DCAF1: variants seen among roughly 807,000 people sequenced by gnomAD.
DCAF1 encodes DDB1- and CUL4-associated factor 1.
DCAF1 carries 15 observed loss-of-function variants against 128.0 expected under a neutral mutation model. That is an observed-to-expected ratio of 0.12 (90% confidence interval 0.08 to 0.18). DCAF1 has a LOEUF of 0.18. Among genes scored for constraint, DCAF1 ranks in the 10% least tolerant of loss-of-function variants. The probability of loss-of-function intolerance (pLI) is 1.00; values close to 1 mark genes in which losing one functional copy is unlikely to be tolerated. For synonymous variants in DCAF1, 610 were observed against 603.0 expected, an observed-to-expected ratio of 1.01 and a Z score of -0.17; for missense variants, 988 against 1,649.5, an observed-to-expected ratio of 0.60 and a Z score of 6.95.
Position 51,398,491 on chromosome 3 carries a change from TC to T in DCAF1, c.*277del. On this transcript the variant is annotated 3_prime_UTR_variant, in exon 25 of 25. Coordinates refer to ENST00000684031, the MANE Select transcript of DCAF1 (RefSeq NM_001387579.1). ...ATACCCCAGAGACATGGTTTTTTTT[TC>T]CCCTTGAAAGATATGTCCATCCTAG... is the stretch of plus-strand genomic sequence containing the variant. The T allele has an allele frequency of 2.7e-6, 1 of 377,116 alleles. No individual in the cohort carries two copies. The highest frequency in any genetic ancestry group is 4.8e-6 in the Non-Finnish European group (1 of 210,090). The allele number at this position is 377,116 out of a possible 1,614,324, so 23.4% of individuals were successfully genotyped here.
intron 1 of DCAF1, among the ~76,000 whole-genome samples, chr3:51,497,439 T>C (rs1475868316): frequency 2.0e-5 from 3 of 151,220 alleles, no homozygotes; most frequent in African/African-American, 7.3e-5. Context: ...ATACAAAAAT[T>C]AGCTGGGCAT....
chr3:51,455,873 G>A (rs551695679), intron 6 of DCAF1, among the ~76,000 whole-genome samples: 51 of 152,112 alleles, frequency 3.4e-4, no homozygotes, highest in African/African-American at 9.9e-4. Context: ...CTCCAGCCTG[G>A]GTGACAAGAG....
intron 6 of DCAF1, among the ~76,000 whole-genome samples, chr3:51,461,903 G>T (rs569180951): frequency 1.4e-3 from 219 of 152,058 alleles, no homozygotes; most frequent in Non-Finnish European, 1.4e-3. Flanking sequence ...CACACACTGG[G>T]GACTGTTGTG....
intron 2 of DCAF1, among the ~76,000 whole-genome samples, chr3:51,486,093 T>C (rs1304978209): frequency 6.6e-6 from 1 of 151,868 alleles, no homozygotes; most frequent in African/African-American, 2.4e-5. Context: ...GCTTTCACCG[T>C]GTTAGCCAGG....
rs141500353 is a variant in DCAF1, at chr3:51,402,853, G to A, written c.4465+290C>T. The stretch of plus-strand genomic sequence containing the variant: ...CCTCCAAAGTGCTGGGATTACAGGC[G>A]TGAGCCACCGTGCCCGGCTGCATAA... On this transcript the variant is annotated intron_variant, in intron 24 of 24. Coordinates refer to ENST00000684031, the MANE Select transcript of DCAF1 (RefSeq NM_001387579.1). 2.6e-3 allele frequency among the ~76,000 whole-genome samples: 398 copies of A among 152,178 alleles called. 1 individual carries two copies. Among genetic ancestry groups the A allele is most frequent in the Admixed American group, 6.0e-3 (92 of 15,274 alleles).
intron 23 of DCAF1, among the ~76,000 whole-genome samples, chr3:51,405,369 T>C (rs1553626268): frequency 6.6e-6 from 1 of 152,152 alleles, no homozygotes; most frequent in Non-Finnish European, 1.5e-5. Context: ...TCAAGCAGGG[T>C]CTAAGCTTTG....
At chr3:51,480,869 A>G (rs1553652567) in intron 3 of DCAF1, among the ~76,000 whole-genome samples, 1 of 152,088 alleles carries the variant, frequency 6.6e-6, no homozygotes, top group East Asian at 1.9e-4. Flanking sequence ...TTTCCTCACT[A>G]AATTGTAAAA....
chr3:51,404,916 A>G (rs1332516106), intron 23 of DCAF1, among the ~76,000 whole-genome samples: 1 of 152,236 alleles, frequency 6.6e-6, no homozygotes, highest in Non-Finnish European at 1.5e-5. Context: ...TGAAACACAG[A>G]CAGGCTCTCA....
At chr3:51,465,839 C>T (rs575786504) in intron 5 of DCAF1, among the ~76,000 whole-genome samples, 2 of 152,266 alleles carry the variant, frequency 1.3e-5, no homozygotes, top group African/African-American at 4.8e-5. Flanking sequence ...CACCTTCATG[C>T]TTAATTTCAT....
chr3:51,472,670 A>AT (rs113691767), intron 3 of DCAF1, among the ~76,000 whole-genome samples: 406 of 136,814 alleles, frequency 3.0e-3, no homozygotes, highest in African/African-American at 5.2e-3. Context: ...TCATTAATGC[A>AT]TTTTTTTTTT....
At chr3:51,395,886 T>TTTA (rs1169465873), downstream of DCAF1, 4 of 413,418 alleles carry the variant, frequency 9.7e-6, no homozygotes, top group Non-Finnish European at 1.8e-5. Flanking sequence ...AGCATGTTTA[T>TTTA]TTATTTGCCT....
At chr3:51,471,373 C>T (rs1036263059) in intron 3 of DCAF1, among the ~76,000 whole-genome samples, 7 of 151,538 alleles carry the variant, frequency 4.6e-5, no homozygotes, top group African/African-American at 7.3e-5. Flanking sequence ...TTAGTAGAGA[C>T]GGGGTTTCAC....
intron 19 of DCAF1, 93 bp from the exon 20 acceptor site, chr3:51,414,136 C>A (rs2107203390): frequency 1.4e-6 from 2 of 1,423,832 alleles, no homozygotes; most frequent in East Asian, 2.7e-5. Flanking sequence ...TTTCCTCCTG[C>A]CAGGTATTGA....
In DCAF1 at chr3:51,429,247, C is replaced by G. The variant is rs782298848; in HGVS notation, c.1677+14G>C. 2.6e-6 allele frequency: 2 copies of G among 761,616 alleles called. No homozygotes were observed. The highest frequency in any genetic ancestry group is 4.9e-5 in the East Asian group (2 of 40,640). The allele number at this position is 761,616 out of a possible 1,614,324, so 47.2% of individuals were successfully genotyped here. A position where few individuals can be genotyped will look rare whatever the true frequency, so the allele number is the denominator to read the frequency against. On this transcript the variant is annotated intron_variant, in intron 12 of 24. Coordinates refer to ENST00000684031, the MANE Select transcript of DCAF1 (RefSeq NM_001387579.1). ...GCTAACAGAACTTTCCCTTTCAAGG[C>G]AAGGTCCTCTCACCTTGTACGGGGG...
intron 6 of DCAF1, among the ~76,000 whole-genome samples, chr3:51,460,929 T>G (rs1703483611): frequency 6.6e-6 from 1 of 151,922 alleles, no homozygotes; most frequent in Non-Finnish European, 1.5e-5. Context: ...ATTAAAGACT[T>G]AAATGTTAGA....
Position 51,429,429 on chromosome 3 carries a change from T to A in DCAF1, c.1509A>T (p.Ala503=). ...CAAATATTTCATCATCACTCAGAAGTGCACCCTGATCTTCCAAATTTAGAA... is the reference window on the plus strand; with the variant it reads ...CAAATATTTCATCATCACTCAGAAGAGCACCCTGATCTTCCAAATTTAGAA... ...LEILNLEDQG[A]LLSDDEIFAS... The change falls in exon 12 of 25, where the codon GCA becomes GCT. Residue 503 remains alanine (A), a synonymous_variant. Coordinates refer to ENST00000684031, the MANE Select transcript of DCAF1 (RefSeq NM_001387579.1). 1.3e-6 allele frequency: 1 copy of A among 780,902 alleles called. No individual in the cohort carries two copies. Among genetic ancestry groups the A allele is most frequent in the Non-Finnish European group, 2.4e-6 (1 of 417,998 alleles). 48.4% of individuals were successfully genotyped at this position (780,902 alleles called of 1,614,324 possible). A position where few individuals can be genotyped will look rare whatever the true frequency, so the allele number is the denominator to read the frequency against.
chr3:51,420,297 A>T lies in DCAF1; in HGVS notation c.2673T>A (p.Thr891=). The change falls in exon 15 of 25, where the codon ACT becomes ACA. Residue 891 remains threonine, a synonymous_variant. Transcript: ENST00000684031. This position sits in a 1 kb window ranked among gnomAD's most constrained non-coding sequence, Gnocchi z 6.5. ...GTAGAGAGACAGGAGAAGCAGCAGCAGTGACTGGGGTAAAGGCAGAAGAAT... is the reference window on the plus strand; with the variant it reads ...GTAGAGAGACAGGAGAAGCAGCAGCTGTGACTGGGGTAAAGGCAGAAGAAT... ...ASHSSAFTPV[T]AAASPVSLPR... 6.2e-7 allele frequency: 1 copy of T among 1,614,034 alleles called. No homozygotes were observed. The highest frequency in any genetic ancestry group is 8.5e-7 in the Non-Finnish European group (1 of 1,179,894).
chr3:51,406,342 CAAAA>C (rs782324969), intron 23 of DCAF1, among the ~76,000 whole-genome samples: 2 of 48,196 alleles, frequency 4.1e-5, no homozygotes, highest in African/African-American at 8.6e-5. Context: ...GACTCTGTCT[CAAAA>C]AAAAAAAAAA....
chr3:51,463,191 G>T lies in DCAF1; in HGVS notation c.298C>A (p.Pro100Thr), dbSNP rs782147283. The T allele has an allele frequency of 1.3e-6, 2 of 1,592,438 alleles. No individual in the cohort carries two copies. Among genetic ancestry groups the T allele is most frequent in the Non-Finnish European group, 1.7e-6 (2 of 1,168,662 alleles). ...NAYVMTSREP[P>T]LNTAACRLLL... ...AGTCTGCAAGCTGCAGTGTTTAAAG[G>T]GGGCTCTCGGCTTGTCATCACATAT... is the stretch of plus-strand genomic sequence containing the variant. Residue 100 changes from proline to threonine, a missense_variant, in exon 6 of 25, where the codon CCT becomes ACT. This residue lies in a region of DCAF1 where 210 missense variants were observed against 260.2 expected (regional missense o/e 0.81). Coordinates refer to ENST00000684031, the MANE Select transcript of DCAF1 (RefSeq NM_001387579.1).
Sources: allele counts gnomAD v4.1 joint callset (sites outside exome capture counted in the v4.1 genomes callset), GRCh38; gene constraint gnomAD v4.1.1; regional missense constraint gnomAD v4.1.1; non-coding constraint Gnocchi (gnomAD v3.1); transcripts MANE v1.5; gene names NCBI Gene and HGNC (gene_info 2026-07-23, HGNC 2026-07-21).